The following LUZP2 variants were observed in gnomAD, a reference collection of about 807,000 sequenced individuals.
LUZP2 encodes leucine zipper protein 2.
Under a neutral mutation model 51.6 loss-of-function variants are expected in LUZP2, and 52 were observed. The ratio of observed to expected loss-of-function variants is 1.01; its 90% CI spans 0.81 to 1.27. LUZP2 has a LOEUF of 1.27. LUZP2 is among the 50% of genes most tolerant of loss of function. The pLI, the probability that LUZP2 is intolerant of heterozygous loss-of-function variation, is 0.00. For synonymous variants in LUZP2, 154 were observed against 137.3 expected (o/e 1.12, Z -0.85); for missense variants, 436 against 395.4 (o/e 1.10, Z -0.87).
In LUZP2 at chr11:25,079,650, A is replaced by T. The variant is rs1044753990; in HGVS notation, c.*992A>T. On this transcript the variant is annotated 3_prime_UTR_variant, in exon 12 of 12. Transcript: ENST00000336930. The stretch of plus-strand genomic sequence containing the variant: ...TATCACTAATCAAAAAAATGCACTC[A>T]TGAATAATTGGAAGATAGCTCACAA... 2 of 152,182 alleles carry T rather than the reference A, an allele frequency of 1.3e-5. No homozygotes were observed. Among genetic ancestry groups the T allele is most frequent in the African/African-American group, 4.8e-5 (2 of 41,460 alleles). 9.4% of individuals were successfully genotyped at this position (152,182 alleles called of 1,614,324 possible). A position where few individuals can be genotyped will look rare whatever the true frequency, so the allele number is the denominator to read the frequency against.
chr11:24,660,247 G>A (rs1039979213), intron 1 of LUZP2, among the ~76,000 whole-genome samples: 2 of 152,138 alleles, frequency 1.3e-5, no homozygotes, highest in African/African-American at 2.4e-5. Context: ...TCTGACCCAT[G>A]TAGTTTTAAA....
At chr11:24,643,799 C>A (rs780872825) in intron 1 of LUZP2, among the ~76,000 whole-genome samples, 43 of 152,132 alleles carry the variant, frequency 2.8e-4, no homozygotes, top group Non-Finnish European at 4.3e-4. Context: ...TGTACACTAT[C>A]TTTATAAGAG....
chr11:24,707,276 A>ATCTCTC (rs148639231), intron 1 of LUZP2, among the ~76,000 whole-genome samples: 7 of 147,450 alleles, frequency 4.7e-5, no homozygotes, highest in African/African-American at 1.5e-4. Flanking sequence ...CACTCTTTCT[A>ATCTCTC]TCTCTCTCTC....
At chr11:24,517,034 A>G (rs1272852801) in intron 1 of LUZP2, among the ~76,000 whole-genome samples, 2 of 152,028 alleles carry the variant, frequency 1.3e-5, no homozygotes, top group Admixed American at 1.3e-4. Context: ...TTGTCTTTGA[A>G]CCTTTCCTAA....
In LUZP2 at chr11:25,002,470, C is replaced by A. The variant is rs142509342; in HGVS notation, c.765+19177C>A. Among the ~76,000 whole-genome samples, 802 of 152,292 alleles carry A rather than the reference C, an allele frequency of 5.3e-3. 4 individuals carry two copies. Among genetic ancestry groups the A allele is most frequent in the African/African-American group, 0.018 (765 of 41,556 alleles). Reference sequence around the variant, plus strand: ...GAAGCACCGGTCCCTCAAGGAATAGCACCTGGTATCTAAGTAGGCAGTTGT... The same window carrying A: ...GAAGCACCGGTCCCTCAAGGAATAGAACCTGGTATCTAAGTAGGCAGTTGT... On this transcript the variant is annotated intron_variant, in intron 9 of 11. Transcript: ENST00000336930.
At chr11:25,076,144 A>G (rs1859290146) in intron 10 of LUZP2, among the ~76,000 whole-genome samples, 1 of 152,078 alleles carries the variant, frequency 6.6e-6, no homozygotes, top group Non-Finnish European at 1.5e-5. Context: ...TCAGCCTCCC[A>G]GGTAGCTGGG....
At chr11:24,689,306 T>C (rs1240900264) in intron 1 of LUZP2, among the ~76,000 whole-genome samples, 5 of 152,196 alleles carry the variant, frequency 3.3e-5, no homozygotes, top group Non-Finnish European at 7.3e-5. Flanking sequence ...AGGGACAGCA[T>C]GCACAGTGTA....
chr11:24,922,082 T>A (rs551553045), intron 7 of LUZP2, among the ~76,000 whole-genome samples: 1 of 152,290 alleles, frequency 6.6e-6, no homozygotes, highest in Admixed American at 6.5e-5. Flanking sequence ...GCTGACCTGT[T>A]GGGGCATCAT....
chr11:25,077,540 C>T lies in LUZP2; in HGVS notation c.936+134C>T, dbSNP rs187666044. The T allele has an allele frequency of 5.5e-3, 1,387 of 254,298 alleles. 26 individuals are homozygous for T. Among genetic ancestry groups the T allele is most frequent in the African/African-American group, 0.029 (1,277 of 43,426 alleles). The allele number at this position is 254,298 out of a possible 1,614,324, so 15.8% of individuals were successfully genotyped here. On this transcript the variant is annotated intron_variant, in intron 11 of 11. Transcript: ENST00000336930. ...TTTGAGACAGAGTCTTGCTCTATCT[C>T]CCAGGCTGGAGTGCAGTGGCGCAAT...
intron 5 of LUZP2, among the ~76,000 whole-genome samples, chr11:24,795,392 G>A (rs1480543551): frequency 6.6e-6 from 1 of 151,942 alleles, no homozygotes; most frequent in Non-Finnish European, 1.5e-5. Context: ...GATTCCTACA[G>A]CATTAAAACA....
intron 1 of LUZP2, among the ~76,000 whole-genome samples, chr11:24,535,143 A>T (rs1415407171): frequency 6.6e-6 from 1 of 151,466 alleles, no homozygotes; most frequent in East Asian, 1.9e-4. Flanking sequence ...TGCTTAAAAA[A>T]AAAAAAGGTA....
At chr11:24,514,922 A>G (rs915190017) in intron 1 of LUZP2, among the ~76,000 whole-genome samples, 1 of 152,184 alleles carries the variant, frequency 6.6e-6, no homozygotes, top group Non-Finnish European at 1.5e-5. Flanking sequence ...GACTTTTTAC[A>G]TGACTTTAGG....
intron 9 of LUZP2, among the ~76,000 whole-genome samples, chr11:25,027,199 G>A (rs756401585): frequency 2.0e-5 from 3 of 151,926 alleles, no homozygotes; most frequent in Non-Finnish European, 4.4e-5. Flanking sequence ...ATGTAACAAG[G>A]ATTTATGTTA....
At chr11:24,639,178 T>G (rs1201485869) in intron 1 of LUZP2, among the ~76,000 whole-genome samples, 1 of 151,874 alleles carries the variant, frequency 6.6e-6, no homozygotes. Context: ...TATTTTTCAC[T>G]AAAGTAGAAT....
intron 5 of LUZP2, among the ~76,000 whole-genome samples, chr11:24,767,792 G>T (rs950118393): frequency 6.6e-6 from 1 of 152,166 alleles, no homozygotes; most frequent in African/African-American, 2.4e-5. Context: ...GTTGCAAAAA[G>T]TATACAGTTT....
chr11:24,566,295 A>ATTATTTAT (rs974129146), intron 1 of LUZP2, among the ~76,000 whole-genome samples: 7 of 148,782 alleles, frequency 4.7e-5, no homozygotes, highest in African/African-American at 1.7e-4. Context: ...AACATTATTT[A>ATTATTTAT]TTATTTATTT....
intron 10 of LUZP2, among the ~76,000 whole-genome samples, chr11:25,064,704 A>G (rs1565301038): frequency 2.0e-5 from 3 of 151,784 alleles, no homozygotes. Context: ...AGTTCATTTG[A>G]TTTTGGACTG....
chr11:24,729,962 T>G (rs535398985), intron 2 of LUZP2, among the ~76,000 whole-genome samples: 37 of 151,990 alleles, frequency 2.4e-4, no homozygotes, highest in African/African-American at 8.4e-4. Flanking sequence ...TATTTTTGAA[T>G]GTTACAAAAG....
chr11:24,516,143 C>G (rs772926974), intron 1 of LUZP2, among the ~76,000 whole-genome samples: 8 of 151,948 alleles, frequency 5.3e-5, no homozygotes, highest in Non-Finnish European at 1.0e-4. Context: ...TAATCAATCT[C>G]GAAGACCTGT....
Sources: allele counts gnomAD v4.1 joint callset (sites outside exome capture counted in the v4.1 genomes callset), GRCh38; gene constraint gnomAD v4.1.1; transcripts MANE v1.5; gene names NCBI Gene and HGNC (gene_info 2026-07-23, HGNC 2026-07-21).